Variants in ANAPC1 observed in about 807,000 individuals in gnomAD.
The protein encoded by ANAPC1 is anaphase promoting complex subunit 1, also known as anaphase-promoting complex subunit 1.
A neutral mutation model predicts 208.0 loss-of-function variants in ANAPC1; 36 were observed. That is an observed-to-expected ratio of 0.17 (90% CI 0.13 to 0.23). The LOEUF is 0.23. ANAPC1 is among the 10% of genes least tolerant of loss of function. ANAPC1 has a pLI of 1.00. For synonymous variants in ANAPC1, 378 were observed against 695.2 expected (o/e 0.54, Z 7.18); for missense variants, 942 against 2,011.6 (o/e 0.47, Z 10.17).
intron 13 of ANAPC1, 125 bp downstream of exon 13, chr2:111,856,489 C>T: frequency 3.1e-6 from 3 of 965,014 alleles, no homozygotes; most frequent in Non-Finnish European, 4.6e-6. Flanking sequence ...TAACAAAATT[C>T]TTCTGCCAAA....
At chr2:111,846,885 T>C (rs1278730348) in intron 16 of ANAPC1, among the ~76,000 whole-genome samples, 2 of 152,028 alleles carry the variant, frequency 1.3e-5, no homozygotes, top group African/African-American at 2.4e-5. Flanking sequence ...GTCCATATAT[T>C]ATTATACTGC....
chr2:111,774,660 TAA>T (rs58590453), intron 46 of ANAPC1, among the ~76,000 whole-genome samples: 584 of 4,454 alleles, frequency 0.13, 62 homozygotes, highest in Middle Eastern at 0.23. Context: ...TGACAAGTCT[TAA>T]AAAAAAAAAA....
At chr2:111,851,810 CA>C (rs10645103) in intron 13 of ANAPC1, among the ~76,000 whole-genome samples, 35 of 143,248 alleles carry the variant, frequency 2.4e-4, no homozygotes, top group Non-Finnish European at 2.1e-4. Flanking sequence ...AACTCTGTCT[CA>C]AAAAAAAAAA....
At chr2:111,802,314 C>G in intron 33 of ANAPC1, 114 bp downstream of exon 33, 1 of 803,564 alleles carries the variant, frequency 1.2e-6, no homozygotes. Flanking sequence ...CCTCCTGCCT[C>G]AACCTTCTGA....
At chr2:111,788,876 C>T (rs1443512543) in intron 38 of ANAPC1, among the ~76,000 whole-genome samples, 1 of 152,092 alleles carries the variant, frequency 6.6e-6, no homozygotes. Flanking sequence ...CGGTGGCTCA[C>T]GCCTGTAATC....
chr2:111,832,542 C>A (rs898385057), intron 20 of ANAPC1, among the ~76,000 whole-genome samples: 2 of 152,082 alleles, frequency 1.3e-5, no homozygotes, highest in African/African-American at 2.4e-5. Context: ...TCTCAAAATG[C>A]GGCTAGTGCA....
chr2:111,835,085 T>G (rs2104470829), intron 18 of ANAPC1, among the ~76,000 whole-genome samples: 1 of 152,008 alleles, frequency 6.6e-6, no homozygotes, highest in South Asian at 2.1e-4. Context: ...TTAAAAACCA[T>G]TAAAAAAAAT....
chr2:111,871,861 AATTT>A (rs1426501067), intron 6 of ANAPC1, among the ~76,000 whole-genome samples: 9 of 152,130 alleles, frequency 5.9e-5, no homozygotes, highest in South Asian at 4.1e-4. Context: ...GACTTTACTG[AATTT>A]ATTTATCAAA....
chr2:111,882,245 TG>T (rs1683339967), intron 1 of ANAPC1, among the ~76,000 whole-genome samples: 1 of 151,562 alleles, frequency 6.6e-6, no homozygotes, highest in Non-Finnish European at 1.5e-5. Flanking sequence ...GAGGCTGACT[TG>T]AAGTTTCCTC....
At chr2:111,777,080 A>G (rs1327348955) in intron 45 of ANAPC1, 23 bp from the exon 46 acceptor site, 1 of 456,148 alleles carries the variant, frequency 2.2e-6, no homozygotes, top group Non-Finnish European at 4.0e-6. Context: ...AGAGGACAAC[A>G]ATCTATTTAA....
chr2:111,852,543 CGTCTATTTGAGGAA>C (rs1681462191), intron 13 of ANAPC1, among the ~76,000 whole-genome samples: 2 of 152,104 alleles, frequency 1.3e-5, no homozygotes, highest in East Asian at 3.9e-4. Flanking sequence ...GAATGTCCCT[CGTCTATTTGAGGAA>C]GTCCCCTTCT....
At chr2:111,803,900 T>TAACAAATATAAAATCC (rs1678551503) in intron 30 of ANAPC1, 61 bp from the exon 31 acceptor site, 1 of 990,050 alleles carries the variant, frequency 1.0e-6, no homozygotes. Context: ...CCACAACACA[T>TAACAAATATAAAATCC]ACCCATAACA....
At chr2:111,771,598 T>C (rs1322923592) in intron 47 of ANAPC1, among the ~76,000 whole-genome samples, 2 of 151,770 alleles carry the variant, frequency 1.3e-5, no homozygotes, top group Non-Finnish European at 2.9e-5. Flanking sequence ...TTTTTTTTTT[T>C]AGCTTTTATA....
chr2:111,824,081 T>C (rs543465604), intron 24 of ANAPC1, among the ~76,000 whole-genome samples: 1 of 151,076 alleles, frequency 6.6e-6, no homozygotes, highest in African/African-American at 2.4e-5. Flanking sequence ...ATATAAAAAG[T>C]CGATTAACTA....
chr2:111,793,493 T>C lies in ANAPC1; in HGVS notation c.4518+585A>G, dbSNP rs1350893396. Reference sequence around the variant, plus strand: ...TCCTGCTTCAGTCTCCCAAAGTTGCTAGGATTATAGGCATGAGCCACTGCA... The same window carrying C: ...TCCTGCTTCAGTCTCCCAAAGTTGCCAGGATTATAGGCATGAGCCACTGCA... On this transcript the variant is annotated intron_variant, in intron 37 of 47. Coordinates refer to ENST00000341068, the MANE Select transcript of ANAPC1 (RefSeq NM_022662.4). 2.0e-5 allele frequency among the ~76,000 whole-genome samples: 3 copies of C among 152,266 alleles called. No individual in the cohort carries two copies. In the East Asian group the frequency reaches 5.8e-4, roughly 29 times the overall value.
intron 37 of ANAPC1, 34 bp from the exon 38 acceptor site, chr2:111,792,589 T>C: frequency 3.2e-6 from 5 of 1,582,826 alleles, no homozygotes; most frequent in African/African-American, 2.7e-5. Context: ...ACTGTAACTG[T>C]TGTGTTACAT....
At chr2:111,851,725 G>T (rs1208156985) in intron 13 of ANAPC1, among the ~76,000 whole-genome samples, 1 of 151,826 alleles carries the variant, frequency 6.6e-6, no homozygotes, top group East Asian at 1.9e-4. Context: ...CAGGAGAATG[G>T]TGTGAACCCG....
At chr2:111,808,735 A>C (rs956702318) in intron 29 of ANAPC1, among the ~76,000 whole-genome samples, 4 of 151,152 alleles carry the variant, frequency 2.6e-5, no homozygotes, top group African/African-American at 9.7e-5. Context: ...CTAGCAAATA[A>C]ACATGGAGGT....
chr2:111,855,802 G>A (rs1681679265), intron 13 of ANAPC1, among the ~76,000 whole-genome samples: 1 of 151,938 alleles, frequency 6.6e-6, no homozygotes, highest in Non-Finnish European at 1.5e-5. Context: ...AAGGATACTG[G>A]CAATATTCTA....
Sources: gnomAD v4.1 joint callset for allele counts (sites outside exome capture counted in the v4.1 genomes callset) on GRCh38, gnomAD v4.1.1 for gene constraint, MANE v1.5 for transcripts, NCBI Gene and HGNC (gene_info 2026-07-23, HGNC 2026-07-21) for gene names.